LGR6: variants seen among roughly 807,000 people sequenced by gnomAD.
LGR6 encodes the protein leucine rich repeat containing G protein-coupled receptor 6.
In LGR6, 45 loss-of-function variants were observed where a neutral mutation model predicts 69.4. That is an observed-to-expected ratio of 0.65 (90% confidence interval 0.51 to 0.83). The LOEUF is 0.83. Ranked by LOEUF, LGR6 falls within the 40% of genes least tolerant of loss-of-function variation. The pLI is 0.00. For missense variants in LGR6, 1,108 were observed against 1,246.7 expected (o/e 0.89, Z 1.68); for synonymous variants, 538 against 555.0 (o/e 0.97, Z 0.43).
chr1:202,305,810 G>C lies in LGR6; in HGVS notation c.1136+61G>C. Reference sequence around the variant, plus strand: ...AGCCAGACCCTGAGCAAGTCCTGTAGGGAGGTGTGATGGGGGGCATCAGTA... The same window carrying C: ...AGCCAGACCCTGAGCAAGTCCTGTACGGAGGTGTGATGGGGGGCATCAGTA... On this transcript the variant is annotated intron_variant, in intron 12 of 17. Transcript: ENST00000367278. The C allele has an allele frequency of 2.2e-6, 3 of 1,354,862 alleles. No homozygotes were observed. The South Asian group carries it at 3.5e-5, about 16-fold the overall frequency. 83.9% of individuals were successfully genotyped at this position (1,354,862 alleles called of 1,614,324 possible). A position where few individuals can be genotyped will look rare whatever the true frequency, so the allele number is the denominator to read the frequency against.
At chr1:202,200,217 C>G (rs372817774) in intron 1 of LGR6, among the ~76,000 whole-genome samples, 1 of 152,226 alleles carries the variant, frequency 6.6e-6, no homozygotes, top group African/African-American at 2.4e-5. Flanking sequence ...CTAAGCCTGC[C>G]GCCTGGTGGG....
rs928684850 is a variant in LGR6, at chr1:202,280,830, G to C, written c.694G>C (p.Gly232Arg). ...IQHLGTHSFE[G>R]LHNLETLDLN... ...GCATCTGGGGACCCACAGCTTCGAG[G>C]GGCTGCACAATCTGGAGACACTGTG... Residue 232 changes from glycine to arginine, a missense_variant, in exon 6 of 18, where the codon GGG becomes CGG. By Grantham distance (125) the Gly-to-Arg change is moderately radical (BLOSUM62 -2). Coordinates refer to ENST00000367278, the MANE Select transcript of LGR6 (RefSeq NM_001017403.2). 1.2e-6 allele frequency: 2 copies of C among 1,614,036 alleles called. No homozygotes were observed. Among genetic ancestry groups the C allele is most frequent in the Non-Finnish European group, 1.7e-6 (2 of 1,179,962 alleles).
intron 9 of LGR6, among the ~76,000 whole-genome samples, chr1:202,302,879 A>G (rs1393612169): frequency 6.6e-6 from 1 of 152,188 alleles, no homozygotes; most frequent in African/African-American, 2.4e-5. Flanking sequence ...GTTCCAGCAG[A>G]TGACAATTTA....
At chr1:202,295,794 GAGAAGCAAAGC>G (rs1667110154) in intron 6 of LGR6, among the ~76,000 whole-genome samples, 1 of 152,212 alleles carries the variant, frequency 6.6e-6, no homozygotes, top group African/African-American at 2.4e-5. Flanking sequence ...ACGGAGCAGA[GAGAAGCAAAGC>G]AGAAGGGATT....
At chr1:202,291,813 A>G (rs1666812237) in intron 6 of LGR6, among the ~76,000 whole-genome samples, 1 of 152,232 alleles carries the variant, frequency 6.6e-6, no homozygotes, top group Non-Finnish European at 1.5e-5. Flanking sequence ...ATGAATTAAT[A>G]TATGCAAATC....
intron 1 of LGR6, 164 bp from the exon 2 acceptor site, chr1:202,225,259 A>G (rs1670819718): frequency 7.8e-6 from 5 of 644,208 alleles, no homozygotes; most frequent in Non-Finnish European, 1.4e-5. Context: ...TTGCTCTTAG[A>G]GAGAACGCAG....
Position 202,318,659 on chromosome 1 carries a change from T to C in LGR6, c.2356T>C (p.Tyr786His), listed in dbSNP as rs1572035289. The C allele has an allele frequency of 1.9e-6, 3 of 1,613,836 alleles. No individual in the cohort carries two copies. In the East Asian group the frequency reaches 6.7e-5, roughly 36 times the overall value. ...AWLIFADGLL[Y>H]CPVAFLSFAS... ...GCTCATCTTCGCAGACGGGCTCCTCTACTGTCCCGTGGCCTTCCTCAGCTT... is the reference window on the plus strand; with the variant it reads ...GCTCATCTTCGCAGACGGGCTCCTCCACTGTCCCGTGGCCTTCCTCAGCTT... The change falls in exon 18 of 18, where the codon TAC becomes CAC. Residue 786 changes from tyrosine to histidine, a missense_variant. Coordinates refer to ENST00000367278, the MANE Select transcript of LGR6 (RefSeq NM_001017403.2).
chr1:202,293,949 G>A (rs1391235385), intron 6 of LGR6, among the ~76,000 whole-genome samples: 1 of 152,158 alleles, frequency 6.6e-6, no homozygotes, highest in Non-Finnish European at 1.5e-5. Context: ...GGATTGCCTG[G>A]ACATGGGTCC....
At chr1:202,232,586 G>A (rs541742712) in intron 3 of LGR6, among the ~76,000 whole-genome samples, 116 of 152,228 alleles carry the variant, frequency 7.6e-4, no homozygotes, top group Admixed American at 2.2e-3. Context: ...GGCTGTGGAG[G>A]GCTGAGGCAG....
At position 202,305,603 on chromosome 1, in the gene LGR6, C is replaced by A. The variant is rs1216976283; in HGVS notation, c.1071-81C>A. 1.1e-5 allele frequency: 13 copies of A among 1,226,844 alleles called. No individual in the cohort carries two copies. The Admixed American group carries it at 1.7e-4, about 16-fold the overall frequency. The allele number at this position is 1,226,844 out of a possible 1,614,324, so 76.0% of individuals were successfully genotyped here. A position where few individuals can be genotyped will look rare whatever the true frequency, so the allele number is the denominator to read the frequency against. The stretch of plus-strand genomic sequence containing the variant: ...CAGCTAATTGACAGGAAAGCACAGT[C>A]CTGGCTAGAGCCCCCCGTCCCCGAG... On this transcript the variant is annotated intron_variant, in intron 11 of 17. Transcript: ENST00000367278.
intron 4 of LGR6, among the ~76,000 whole-genome samples, chr1:202,245,275 G>A (rs1440635487): frequency 2.1e-5 from 3 of 141,478 alleles, no homozygotes; most frequent in Non-Finnish European, 4.5e-5. Context: ...TACCACATAC[G>A]TTTGGGGCAG....
At chr1:202,302,418 A>G (rs1303986287) in intron 9 of LGR6, among the ~76,000 whole-genome samples, 3 of 152,066 alleles carry the variant, frequency 2.0e-5, no homozygotes, top group Admixed American at 6.5e-5. Flanking sequence ...GGCTTTTCAC[A>G]ACACTCAATT....
chr1:202,202,442 G>GCACACACCTGGAAGCGCTGCTAT, intron 1 of LGR6, among the ~76,000 whole-genome samples: 1 of 152,164 alleles, frequency 6.6e-6, no homozygotes, highest in East Asian at 1.9e-4. Context: ...CCCCATCTGG[G>GCACACACCTGGAAGCGCTGCTAT]CACACACCTG....
chr1:202,263,461 T>C (rs1195501463), intron 4 of LGR6, among the ~76,000 whole-genome samples: 1 of 152,176 alleles, frequency 6.6e-6, no homozygotes, highest in Non-Finnish European at 1.5e-5. Flanking sequence ...TTTCTCTATA[T>C]ATCTTCATAG....
At chr1:202,205,652 ACACG>A (rs1659180205) in intron 1 of LGR6, among the ~76,000 whole-genome samples, 2 of 143,770 alleles carry the variant, frequency 1.4e-5, no homozygotes, top group Non-Finnish European at 3.0e-5. Flanking sequence ...ACACACACAC[ACACG>A]CACACCTCCC....
chr1:202,296,691 G>C (rs1282893487), intron 6 of LGR6, among the ~76,000 whole-genome samples: 1 of 152,196 alleles, frequency 6.6e-6, no homozygotes, highest in African/African-American at 2.4e-5. Flanking sequence ...GTGAAGCTGT[G>C]GTCACTTATG....
At position 202,209,286 on chromosome 1, in the gene LGR6, G is replaced by A. The variant is rs747430865; in HGVS notation, c.212+15085G>A. ...GGCCTATAAAGGCAACCTTGGAGACGCCACACCTGCCATCCCCAGGGATCC... is the reference window on the plus strand; with the variant it reads ...GGCCTATAAAGGCAACCTTGGAGACACCACACCTGCCATCCCCAGGGATCC... On this transcript the variant is annotated intron_variant, in intron 1 of 17. Transcript: ENST00000367278. 6.6e-5 allele frequency among the ~76,000 whole-genome samples: 10 copies of A among 152,264 alleles called. No individual in the cohort carries two copies. The South Asian group carries it at 1.0e-3, about 16-fold the overall frequency.
chr1:202,281,037 T>G (rs1665965898), intron 6 of LGR6, 185 bp downstream of exon 6: 4 of 581,146 alleles, frequency 6.9e-6, no homozygotes, highest in Non-Finnish European at 9.1e-6. Context: ...AATGAATTTC[T>G]TCCTCCTTCA....
chr1:202,244,127 T>G (rs2148032690), intron 4 of LGR6, among the ~76,000 whole-genome samples: 1 of 151,758 alleles, frequency 6.6e-6, no homozygotes, highest in East Asian at 1.9e-4. Context: ...CCAGCTAATT[T>G]TTTGTATTTT....
Sources: allele counts gnomAD v4.1 joint callset (sites outside exome capture counted in the v4.1 genomes callset), GRCh38; gene constraint gnomAD v4.1.1; transcripts MANE v1.5; gene names NCBI Gene and HGNC (gene_info 2026-07-23, HGNC 2026-07-21).